Variants in RHOC observed in about 807,000 individuals in gnomAD.
The protein encoded by RHOC is rho-related GTP-binding protein RhoC.
A neutral mutation model predicts 19.5 loss-of-function variants in RHOC; 13 were observed. The ratio of observed to expected loss-of-function variants is 0.67; its 90% confidence interval spans 0.43 to 1.06. The LOEUF (loss-of-function observed/expected upper bound fraction) is 1.06. Ranked by LOEUF, RHOC falls within the 50% of genes least tolerant of loss-of-function variation. The pLI is 0.00. For synonymous variants in RHOC, 106 were observed against 97.3 expected, an observed-to-expected ratio of 1.09 and a Z score of -0.52; for missense variants, 173 against 256.9, an observed-to-expected ratio of 0.67 and a Z score of 2.23.
intron 3 of RHOC, 78 bp downstream of exon 3, chr1:112,703,566 G>A: frequency 3.4e-6 from 4 of 1,187,438 alleles, no homozygotes; most frequent in Non-Finnish European, 3.7e-6. Context: ...GGTAGGAATG[G>A]GGAAGGACAT....
intron 3 of RHOC, 73 bp downstream of exon 3, chr1:112,703,571 G>A: frequency 8.2e-7 from 1 of 1,224,428 alleles, no homozygotes; most frequent in South Asian, 1.3e-5. Context: ...GAATGGGGAA[G>A]GACATACTAG....
At chr1:112,702,726 C>T (rs560616354) in intron 4 of RHOC, 33 bp from the exon 5 acceptor site, 1 of 1,612,952 alleles carries the variant, frequency 6.2e-7, no homozygotes, top group African/African-American at 1.3e-5. Flanking sequence ...GTGTCGGTGC[C>T]TCCACTTAAG....
chr1:112,706,291 T>G (rs1456710629), intron 1 of RHOC: 2 of 152,138 alleles, frequency 1.3e-5, no homozygotes, highest in Non-Finnish European at 2.9e-5. Flanking sequence ...CAAGAGATAC[T>G]GCATTCTCAA....
rs2230329 is a variant in RHOC at position 112,701,557 on chromosome 1, C to T, written c.565G>A (p.Gly189Ser). Residue 189 changes from glycine (G) to serine (S), a missense_variant, in exon 6 of 6, where the codon GGC (glycine) becomes AGC (serine). Physicochemically the swap from Gly to Ser is moderately conservative, Grantham distance 56 (BLOSUM62 0). Around this residue, in one of 2 missense-constraint regions of RHOC, gnomAD observed 81 missense variants for 85.8 expected, o/e 0.94. Coordinates refer to ENST00000339083, the MANE Select transcript of RHOC (RefSeq NM_175744.5). The stretch of plus-strand genomic sequence containing the variant: ...TGGGGATCTCAGAGAATGGGACAGC[C>T]CCTCCGACGCTTGTTCTTGCGGACC... Reference protein sequence around the residue: ...LQVRKNKRRRGCPIL With the variant: ...LQVRKNKRRRSCPIL 2.5e-6 allele frequency: 4 copies of T among 1,614,072 alleles called. No individual in the cohort carries two copies. In the East Asian group the frequency reaches 6.7e-5, roughly 27 times the overall value.
At position 112,701,257 on chromosome 1, in the gene RHOC, G is replaced by C. The variant is rs1059482; in HGVS notation, c.*283C>G. ...ACTGCAGACACTTTCCTGTGAGCCAGAAGTGTATAAAGTGCTGGTGTGTGA... is the reference window on the plus strand; with the variant it reads ...ACTGCAGACACTTTCCTGTGAGCCACAAGTGTATAAAGTGCTGGTGTGTGA... On this transcript the variant is annotated 3_prime_UTR_variant, in exon 6 of 6. Transcript: ENST00000339083. 6 of 775,736 alleles carry C rather than the reference G, an allele frequency of 7.7e-6. No individual in the cohort carries two copies. In the South Asian group the frequency reaches 1.1e-4, roughly 15 times the overall value. The allele number at this position is 775,736 out of a possible 1,614,324, so 48.1% of individuals were successfully genotyped here. A position where few individuals can be genotyped will look rare whatever the true frequency, so the allele number is the denominator to read the frequency against.
chr1:112,702,341 TG>T (rs1220012802), intron 5 of RHOC, among the ~76,000 whole-genome samples: 4 of 152,320 alleles, frequency 2.6e-5, no homozygotes, highest in Non-Finnish European at 5.9e-5. Context: ...CTGAACGGAA[TG>T]GACAATTAAC....
At position 112,702,588 on chromosome 1, in the gene RHOC, C is replaced by G; in HGVS notation, c.383G>C (p.Arg128Thr). The G allele has an allele frequency of 1.2e-6, 2 of 1,614,152 alleles. No homozygotes were observed. Among genetic ancestry groups the G allele is most frequent in the Non-Finnish European group, 1.7e-6 (2 of 1,179,998 alleles). ...CTGCTTCATCTTGGCCAGCTCTCTCCTGGTGTGCTCGTCTTGCCTCAGGTC... is the reference window on the plus strand; with the variant it reads ...CTGCTTCATCTTGGCCAGCTCTCTCGTGGTGTGCTCGTCTTGCCTCAGGTC... ...KKDLRQDEHT[R>T]RELAKMKQEP... Residue 128 changes from arginine to threonine, a missense_variant, in exon 5 of 6, where the codon AGG becomes ACG. Around this residue, in one of 2 missense-constraint regions of RHOC, gnomAD observed 92 missense variants for 171.1 expected, o/e 0.54. Coordinates refer to ENST00000339083, the MANE Select transcript of RHOC (RefSeq NM_175744.5).
rs779724269 is a variant in RHOC, at chr1:112,703,708, G to A, written c.92C>T (p.Pro31Leu). 1.9e-6 allele frequency: 3 copies of A among 1,613,530 alleles called. No homozygotes were observed. The highest frequency in any genetic ancestry group is 2.2e-5 in the East Asian group (1 of 44,866). ...AAAGACAGTAGGGACGTAGACCTCC[G>A]GAAACTGATCCTTGCTGAAGACGAT... is the stretch of plus-strand genomic sequence containing the variant. ...LLIVFSKDQF[P>L]EVYVPTVFEN... Residue 31 changes from proline to leucine, a missense_variant, in exon 3 of 6, where the codon CCG becomes CTG. Pro to Leu is a moderately conservative substitution (Grantham distance 98). This residue lies in a region of RHOC where 92 missense variants were observed against 171.1 expected (regional missense o/e 0.54). Transcript: ENST00000339083.
At chr1:112,707,148 C>T (rs1282681984), upstream of RHOC, 1 of 151,060 alleles carries the variant, frequency 6.6e-6, no homozygotes, top group South Asian at 2.1e-4. Context: ...CCCCGCCCCG[C>T]CCTCCTCCAG....
In RHOC at chr1:112,701,661, A is replaced by G; in HGVS notation, c.461T>C (p.Phe154Ser). The G allele has an allele frequency of 6.2e-7, 1 of 1,614,028 alleles. No individual in the cohort carries two copies. The highest frequency in any genetic ancestry group is 8.5e-7 in the Non-Finnish European group (1 of 1,179,994). ...CTTGGCTGAGCACTCAAGGTAGCCA[A>G]AGGCACTGATCCGGTTCGCCATGTC... ...GRDMANRISA[F>S]GYLECSAKTK... Residue 154 changes from phenylalanine to serine, a missense_variant, in exon 6 of 6, where the codon TTT becomes TCT. Phe to Ser is a radical substitution (Grantham distance 155). Coordinates refer to ENST00000339083, the MANE Select transcript of RHOC (RefSeq NM_175744.5).
At chr1:112,703,314 C>T in intron 3 of RHOC, 195 bp from the exon 4 acceptor site, 1 of 719,778 alleles carries the variant, frequency 1.4e-6, no homozygotes, top group East Asian at 2.7e-5. Context: ...CGTGTTTGAC[C>T]CTTGAGTTGC....
intron 1 of RHOC, chr1:112,706,029 A>G: frequency 4.5e-6 from 1 of 221,464 alleles, no homozygotes; most frequent in South Asian, 6.3e-5. Flanking sequence ...CAAGGCCAAG[A>G]TGGCATGGAC....
intron 1 of RHOC, among the ~76,000 whole-genome samples, chr1:112,706,464 C>CACACACACA (rs71084488): frequency 8.7e-5 from 2 of 23,046 alleles, no homozygotes; most frequent in African/African-American, 4.2e-4. Context: ...CACACACACA[C>CACACACACA]CACACACACA....
chr1:112,703,787 G>T lies in RHOC; in HGVS notation c.13C>A (p.Arg5=), dbSNP rs751438534. 2 of 1,611,368 alleles carry T rather than the reference G, an allele frequency of 1.2e-6. No homozygotes were observed. The highest frequency in any genetic ancestry group is 8.5e-7 in the Non-Finnish European group (1 of 1,179,114). The change falls in exon 3 of 6, where the codon CGA becomes AGA. Residue 5 remains arginine, a synonymous_variant. Transcript: ENST00000339083. MAAI[R]KKLVIVGDGA... is the part of the protein sequence containing the mutation. ...TCCCCAACGATCACCAGCTTCTTTC[G>T]GATTGCAGCCATGGTGGGGCTGCCA...
Position 112,706,489 on chromosome 1 carries a change from CACA to C in RHOC, c.-77+586_-77+588del, listed in dbSNP as rs1557780765. Among the ~76,000 whole-genome samples, 40 of 29,410 alleles carry C rather than the reference CACA, an allele frequency of 1.4e-3. 2 individuals carry two copies. The highest frequency in any genetic ancestry group is 0.015 in the Middle Eastern group (1 of 66). 19.3% of individuals were successfully genotyped at this position (29,410 alleles called of 152,430 possible). A position where few individuals can be genotyped will look rare whatever the true frequency, so the allele number is the denominator to read the frequency against. ...CCACACACACACACACACACACACA[CACA>C]CACACACACACACACACACACACAC... On this transcript the variant is annotated intron_variant, in intron 1 of 5. Transcript: ENST00000339083.
At chr1:112,705,546 T>C in intron 1 of RHOC, 1 of 483,592 alleles carries the variant, frequency 2.1e-6, no homozygotes, top group Non-Finnish European at 4.1e-6. Flanking sequence ...AGCCACACTC[T>C]TCCCACCACA....
chr1:112,706,428 T>TACACACACACACACA (rs1570835278), intron 1 of RHOC, among the ~76,000 whole-genome samples: 1 of 41,482 alleles, frequency 2.4e-5, no homozygotes. Context: ...TCTCTCTCTC[T>TACACACACACACACA]CTACACACAC....
intron 4 of RHOC, 102 bp from the exon 5 acceptor site, chr1:112,702,795 G>T: frequency 2.7e-6 from 4 of 1,492,388 alleles, no homozygotes; most frequent in Non-Finnish European, 2.8e-6. Context: ...AAGCCATTCA[G>T]CATGATGGTC....
In RHOC at chr1:112,705,140, C is replaced by T. The variant is rs547527828; in HGVS notation, c.-48G>A. ...GTTCCCAGGCTGCAGGAAGAGAGGGCGGGCTCTGGAGCTGAGATGAAGTCA... is the reference window on the plus strand; with the variant it reads ...GTTCCCAGGCTGCAGGAAGAGAGGGTGGGCTCTGGAGCTGAGATGAAGTCA... On this transcript the variant is annotated 5_prime_UTR_variant, in exon 2 of 6. Coordinates refer to ENST00000339083, the MANE Select transcript of RHOC (RefSeq NM_175744.5). 4 of 702,328 alleles carry T rather than the reference C, an allele frequency of 5.7e-6. No individual in the cohort carries two copies. The highest frequency in any genetic ancestry group is 3.0e-5 in the South Asian group (2 of 67,586). The allele number at this position is 702,328 out of a possible 1,614,324, so 43.5% of individuals were successfully genotyped here.
Sources: allele counts gnomAD v4.1 joint callset (sites outside exome capture counted in the v4.1 genomes callset), GRCh38; gene constraint gnomAD v4.1.1; regional missense constraint gnomAD v4.1.1; transcripts MANE v1.5; gene names NCBI Gene and HGNC (gene_info 2026-07-23, HGNC 2026-07-21).